COL25A1: variants seen among roughly 807,000 people sequenced by gnomAD.
The protein encoded by COL25A1 is collagen type XXV alpha 1 chain.
In COL25A1, 103 loss-of-function variants were observed where a neutral mutation model predicts 128.4. The ratio of observed to expected loss-of-function variants is 0.80; its 90% CI spans 0.68 to 0.94. The LOEUF (loss-of-function observed/expected upper bound fraction) is 0.94. Among genes scored for constraint, COL25A1 ranks in the 40% least tolerant of loss-of-function variants. The pLI, the probability that COL25A1 is intolerant of heterozygous loss-of-function variation, is 0.00. For missense variants in COL25A1, 745 were observed against 840.0 expected, an observed-to-expected ratio of 0.89 and a Z score of 1.40; for synonymous variants, 279 against 277.2, an observed-to-expected ratio of 1.01 and a Z score of -0.06.
chr4:109,105,468 T>A (rs1255184093), intron 3 of COL25A1, among the ~76,000 whole-genome samples: 1 of 152,154 alleles, frequency 6.6e-6, no homozygotes, highest in Admixed American at 6.5e-5. Flanking sequence ...AGTAAGGGGA[T>A]ACAGAGTAAG....
At chr4:109,021,769 T>A (rs553088367) in intron 5 of COL25A1, 76 of 453,396 alleles carry the variant, frequency 1.7e-4, no homozygotes, top group Non-Finnish European at 2.9e-4. Context: ...AAGAATTGCA[T>A]TCCTGGGGGC....
At chr4:109,207,330 C>T (rs940765729) in intron 3 of COL25A1, among the ~76,000 whole-genome samples, 7 of 152,086 alleles carry the variant, frequency 4.6e-5, no homozygotes, top group African/African-American at 1.2e-4. Context: ...GATGTGGAGG[C>T]GGGGGAGCTT....
At chr4:108,935,595 C>G (rs111280429) in intron 11 of COL25A1, among the ~76,000 whole-genome samples, 5,464 of 151,256 alleles carry the variant, frequency 0.036, 167 homozygotes, top group African/African-American at 0.065. Flanking sequence ...GAACTAAATC[C>G]TAAGAGTTTA....
chr4:109,232,756 C>A (rs1245556162), intron 3 of COL25A1, among the ~76,000 whole-genome samples: 2 of 152,104 alleles, frequency 1.3e-5, no homozygotes, highest in Non-Finnish European at 2.9e-5. Context: ...GCTATAATCG[C>A]CTCCTTAAAA....
At chr4:109,295,359 A>C (rs568422191) in intron 3 of COL25A1, among the ~76,000 whole-genome samples, 39 of 152,214 alleles carry the variant, frequency 2.6e-4, no homozygotes, top group African/African-American at 9.1e-4. Flanking sequence ...AAACAATTTA[A>C]CATGGATGCT....
At chr4:109,233,052 T>A (rs1182756898) in intron 3 of COL25A1, among the ~76,000 whole-genome samples, 1 of 152,198 alleles carries the variant, frequency 6.6e-6, no homozygotes, top group African/African-American at 2.4e-5. Context: ...ATTTCTGGGT[T>A]ACTTATGAAT....
intron 5 of COL25A1, among the ~76,000 whole-genome samples, chr4:109,011,272 A>G (rs1186137356): frequency 2.0e-5 from 3 of 152,232 alleles, no homozygotes. Flanking sequence ...AGTATCACAC[A>G]GGAAAGTGTG....
chr4:108,862,501 C>T lies in COL25A1; in HGVS notation c.1197G>A (p.Lys399=), dbSNP rs755738364. 3 of 1,610,040 alleles carry T rather than the reference C, an allele frequency of 1.9e-6. No individual in the cohort carries two copies. The highest frequency in any genetic ancestry group is 1.3e-5 in the African/African-American group (1 of 74,846). ...ESGTRGPKGS[K]GDRGEKGDSG... is the part of the protein sequence containing the mutation. ...TTTAAATGGTTATCTGGTTACTGAC[C>T]TTTGACCCCTTTGGGCCTCTAGTTC... Residue 399 remains lysine (K), a splice_region_variant and synonymous_variant, in exon 22 of 38, where the codon AAG becomes AAA. Transcript: ENST00000399132.
chr4:108,999,864 G>A (rs1019029414), intron 6 of COL25A1, among the ~76,000 whole-genome samples: 5 of 152,098 alleles, frequency 3.3e-5, no homozygotes, highest in African/African-American at 1.2e-4. Context: ...ACTATCACAA[G>A]GACAGAAAAC....
At chr4:108,956,388 C>T (rs889476691) in intron 8 of COL25A1, among the ~76,000 whole-genome samples, 9 of 151,966 alleles carry the variant, frequency 5.9e-5, no homozygotes, top group South Asian at 4.1e-4. Context: ...AGGACTGATC[C>T]GTTTAATACA....
chr4:109,249,218 C>T (rs1306778549), intron 3 of COL25A1, among the ~76,000 whole-genome samples: 4 of 152,164 alleles, frequency 2.6e-5, no homozygotes, highest in Non-Finnish European at 5.9e-5. Context: ...CTATTGGGAC[C>T]TCTGTTATAG....
At chr4:109,218,384 CT>C (rs1354027767) in intron 3 of COL25A1, among the ~76,000 whole-genome samples, 1 of 51,480 alleles carries the variant, frequency 1.9e-5, no homozygotes, top group African/African-American at 8.9e-5. Flanking sequence ...TTTTTTTTTG[CT>C]TTTGAACTAC....
chr4:109,238,045 T>C (rs1779588810), intron 3 of COL25A1, among the ~76,000 whole-genome samples: 1 of 152,092 alleles, frequency 6.6e-6, no homozygotes, highest in African/African-American at 2.4e-5. Context: ...ACATACTACA[T>C]TTTGTTTATT....
At chr4:108,961,395 T>TA (rs965780529) in intron 8 of COL25A1, among the ~76,000 whole-genome samples, 7 of 152,210 alleles carry the variant, frequency 4.6e-5, no homozygotes, top group African/African-American at 1.4e-4. Flanking sequence ...CAACTGGCTA[T>TA]AAAAGGCAAG....
intron 5 of COL25A1, among the ~76,000 whole-genome samples, chr4:109,041,372 T>A (rs60986006): frequency 2.6e-4 from 39 of 151,322 alleles, no homozygotes; most frequent in Admixed American, 1.1e-3. Context: ...CCCCCTTTTT[T>A]AAAAAAAAAT....
At chr4:109,068,498 CA>C (rs933811035) in intron 3 of COL25A1, among the ~76,000 whole-genome samples, 21 of 152,016 alleles carry the variant, frequency 1.4e-4, no homozygotes, top group African/African-American at 4.8e-4. Flanking sequence ...GGAAAGCAAA[CA>C]AACTCAGGAT....
rs182828443 is a variant in COL25A1, at chr4:109,031,486, C to T, written c.420+16682G>A. ...CATTCCTACATTTTCTGTAGCGAGACCAAATAAACGTCACCCACCAGGTCA... is the reference window on the plus strand; with the variant it reads ...CATTCCTACATTTTCTGTAGCGAGATCAAATAAACGTCACCCACCAGGTCA... On this transcript the variant is annotated intron_variant, in intron 5 of 37. Coordinates refer to ENST00000399132, the MANE Select transcript of COL25A1 (RefSeq NM_198721.4). Among the ~76,000 whole-genome samples, 4 of 152,178 alleles carry T rather than the reference C, an allele frequency of 2.6e-5. No individual in the cohort carries two copies. In the East Asian group the frequency reaches 7.7e-4, roughly 29 times the overall value.
chr4:108,974,317 T>G, intron 8 of COL25A1, 50 bp downstream of exon 8: 1 of 1,598,110 alleles, frequency 6.3e-7, no homozygotes, highest in Non-Finnish European at 8.6e-7. Context: ...TTCAATAAAC[T>G]TGGAGTTAGA....
intron 13 of COL25A1, among the ~76,000 whole-genome samples, chr4:108,903,545 T>C (rs1263624851): frequency 6.6e-6 from 1 of 152,048 alleles, no homozygotes; most frequent in Non-Finnish European, 1.5e-5. Context: ...AAAGATAAAC[T>C]AAAATAAATA....
Sources: gnomAD v4.1 joint callset for allele counts (sites outside exome capture counted in the v4.1 genomes callset) on GRCh38, gnomAD v4.1.1 for gene constraint, MANE v1.5 for transcripts, NCBI Gene and HGNC (gene_info 2026-07-23, HGNC 2026-07-21) for gene names.